The following ZMAT4 variants were observed in gnomAD, a reference collection of about 807,000 sequenced individuals.
ZMAT4 encodes zinc finger matrin-type protein 4.
Under a neutral mutation model 28.7 loss-of-function variants are expected in ZMAT4, and 17 were observed. The observed-to-expected ratio is 0.59, with a 90% CI of 0.41 to 0.89. The LOEUF (loss-of-function observed/expected upper bound fraction) is 0.89, where lower values mean the gene tolerates loss of function less well. Among genes scored for constraint, ZMAT4 ranks in the 40% least tolerant of loss-of-function variants. The pLI, the probability that ZMAT4 is intolerant of heterozygous loss-of-function variation, is 0.00. For missense variants in ZMAT4, 240 were observed against 283.8 expected (o/e 0.85, Z 1.11); for synonymous variants, 117 against 109.2 (o/e 1.07, Z -0.44).
chr8:40,561,483 A>G (rs1448684915), intron 6 of ZMAT4, among the ~76,000 whole-genome samples: 1 of 152,068 alleles, frequency 6.6e-6, no homozygotes, highest in Non-Finnish European at 1.5e-5. Context: ...CTACCACTTT[A>G]TTGAGGTTGA....
At chr8:40,693,989 G>T (rs990789048) in intron 4 of ZMAT4, among the ~76,000 whole-genome samples, 25 of 152,314 alleles carry the variant, frequency 1.6e-4, no homozygotes, top group South Asian at 2.1e-4. Flanking sequence ...TGTTATTCAC[G>T]GGGGTGGGGG....
chr8:40,755,031 A>G (rs1021054965), intron 3 of ZMAT4, among the ~76,000 whole-genome samples: 2 of 152,170 alleles, frequency 1.3e-5, no homozygotes, highest in African/African-American at 4.8e-5. Context: ...AAGAAAGAAA[A>G]GAAGGAAAGA....
intron 1 of ZMAT4, among the ~76,000 whole-genome samples, chr8:40,843,742 T>A (rs554290076): frequency 1.2e-4 from 19 of 152,310 alleles, no homozygotes; most frequent in African/African-American, 4.3e-4. Flanking sequence ...TTGTCCACTC[T>A]CTGCAGAATG....
At chr8:40,556,371 C>T (rs778906804) in intron 6 of ZMAT4, among the ~76,000 whole-genome samples, 7 of 152,162 alleles carry the variant, frequency 4.6e-5, no homozygotes, top group Admixed American at 6.5e-5. Flanking sequence ...TTCTCTCAAA[C>T]GAGCATTTCC....
At chr8:40,890,986 A>G (rs1190971214) in intron 1 of ZMAT4, among the ~76,000 whole-genome samples, 3 of 151,180 alleles carry the variant, frequency 2.0e-5, no homozygotes, top group Non-Finnish European at 4.4e-5. Flanking sequence ...ACCCAGATGC[A>G]CTCTATCCAC....
intron 3 of ZMAT4, among the ~76,000 whole-genome samples, chr8:40,722,234 G>A (rs573800251): frequency 1.9e-3 from 296 of 152,000 alleles, no homozygotes; most frequent in Non-Finnish European, 3.7e-3. Context: ...AGAGTGAACA[G>A]GCAACCTACA....
intron 5 of ZMAT4, among the ~76,000 whole-genome samples, chr8:40,594,436 A>T (rs1423647885): frequency 6.6e-6 from 1 of 152,226 alleles, no homozygotes; most frequent in African/African-American, 2.4e-5. Context: ...TGAAGGAATA[A>T]CATACCTACA....
chr8:40,536,373 G>T (rs1047630159), intron 6 of ZMAT4, among the ~76,000 whole-genome samples: 4 of 152,116 alleles, frequency 2.6e-5, no homozygotes, highest in African/African-American at 9.7e-5. Flanking sequence ...TTCTATCTGG[G>T]ATGTTTGCAG....
intron 2 of ZMAT4, among the ~76,000 whole-genome samples, chr8:40,773,121 G>T (rs1243122662): frequency 1.3e-5 from 2 of 152,180 alleles, no homozygotes; most frequent in African/African-American, 4.8e-5. Flanking sequence ...TCTAACGAAT[G>T]GAACTCTTTT....
At chr8:40,588,086 G>A (rs541621825) in intron 5 of ZMAT4, among the ~76,000 whole-genome samples, 1 of 151,990 alleles carries the variant, frequency 6.6e-6, no homozygotes, top group South Asian at 2.1e-4. Flanking sequence ...CAATAACAAA[G>A]CTTAAGAGTG....
intron 2 of ZMAT4, among the ~76,000 whole-genome samples, chr8:40,796,689 G>A (rs976766866): frequency 2.0e-5 from 3 of 152,224 alleles, no homozygotes; most frequent in Non-Finnish European, 2.9e-5. Flanking sequence ...AGACTGGAGA[G>A]GTGAAGGTGC....
At chr8:40,733,114 G>A (rs1355546726) in intron 3 of ZMAT4, among the ~76,000 whole-genome samples, 2 of 151,946 alleles carry the variant, frequency 1.3e-5, no homozygotes, top group East Asian at 1.9e-4. Context: ...GGGCTTACAA[G>A]CAAAACCCAA....
chr8:40,585,673 T>G (rs1235717309), intron 5 of ZMAT4, among the ~76,000 whole-genome samples: 2 of 152,144 alleles, frequency 1.3e-5, no homozygotes, highest in Non-Finnish European at 2.9e-5. Flanking sequence ...ATTATTACGG[T>G]CCCCAAACCC....
At chr8:40,596,976 AC>A (rs1441566231) in intron 5 of ZMAT4, among the ~76,000 whole-genome samples, 1 of 152,158 alleles carries the variant, frequency 6.6e-6, no homozygotes, top group Non-Finnish European at 1.5e-5. Flanking sequence ...CAGGCAACTC[AC>A]TTATGGCTTC....
intron 5 of ZMAT4, among the ~76,000 whole-genome samples, chr8:40,618,337 A>G (rs955817194): frequency 1.3e-5 from 2 of 152,190 alleles, no homozygotes; most frequent in Admixed American, 1.3e-4. Context: ...TATCTTCCAC[A>G]TCCCTGCTCT....
intron 6 of ZMAT4, among the ~76,000 whole-genome samples, chr8:40,555,703 A>G (rs1795680589): frequency 1.3e-5 from 2 of 152,092 alleles, no homozygotes; most frequent in African/African-American, 4.8e-5. Context: ...GTGACTGATC[A>G]TTCCTTCATC....
At chr8:40,798,497 T>C (rs9298603) in intron 2 of ZMAT4, among the ~76,000 whole-genome samples, 108,817 of 151,742 alleles carry the variant, frequency 0.72, 39,234 homozygotes, top group Middle Eastern at 0.79. Flanking sequence ...AACCAATAAA[T>C]ACCTCTTACT....
intron 1 of ZMAT4, among the ~76,000 whole-genome samples, chr8:40,839,834 A>G (rs1293941669): frequency 1.3e-5 from 2 of 152,210 alleles, no homozygotes; most frequent in Non-Finnish European, 2.9e-5. Flanking sequence ...ATGATGAGAA[A>G]TTAGTTAATG....
chr8:40,562,627 C>G (rs1045891230), intron 6 of ZMAT4, among the ~76,000 whole-genome samples: 4 of 151,960 alleles, frequency 2.6e-5, no homozygotes, highest in Non-Finnish European at 5.9e-5. Flanking sequence ...GTAAGGAACT[C>G]CCCCTCTTTC....
Sources: allele counts gnomAD v4.1 joint callset (sites outside exome capture counted in the v4.1 genomes callset), GRCh38; gene constraint gnomAD v4.1.1; transcripts MANE v1.5; gene names NCBI Gene and HGNC (gene_info 2026-07-23, HGNC 2026-07-21).